Variants in GRM7 observed in about 807,000 individuals in gnomAD.
GRM7 encodes the protein glutamate metabotropic receptor 7.
A neutral mutation model predicts 84.5 loss-of-function variants in GRM7; 35 were observed. That is an observed-to-expected ratio of 0.41 (90% CI 0.32 to 0.55). The LOEUF (loss-of-function observed/expected upper bound fraction) is 0.55. GRM7 is among the 20% of genes least tolerant of loss of function. The pLI, the probability that GRM7 is intolerant of heterozygous loss-of-function variation, is 0.19. For missense variants in GRM7, 1,003 were observed against 1,194.6 expected, an observed-to-expected ratio of 0.84 and a Z score of 2.36; for synonymous variants, 487 against 455.1, an observed-to-expected ratio of 1.07 and a Z score of -0.89.
rs1327512209 is a variant in GRM7, at chr3:7,740,769, GT to G, written c.*367del. 4 of 183,102 alleles carry G rather than the reference GT, an allele frequency of 2.2e-5. No homozygotes were observed. The highest frequency in any genetic ancestry group is 4.5e-5 in the Non-Finnish European group (4 of 88,674). The allele number at this position is 183,102 out of a possible 1,614,324, so 11.3% of individuals were successfully genotyped here. ...TACGTATGTACTTCTAGGTTGCAAGGTTTTGAAATTTTCTGTACAGTTTGTG... is the reference window on the plus strand; with the variant it reads ...TACGTATGTACTTCTAGGTTGCAAGGTTTGAAATTTTCTGTACAGTTTGTG... On this transcript the variant is annotated 3_prime_UTR_variant, in exon 10 of 10. Coordinates refer to ENST00000357716, the MANE Select transcript of GRM7 (RefSeq NM_000844.4).
At chr3:7,568,308 G>T (rs2125043026) in intron 7 of GRM7, among the ~76,000 whole-genome samples, 1 of 152,260 alleles carries the variant, frequency 6.6e-6, no homozygotes, top group African/African-American at 2.4e-5. Flanking sequence ...CCTGCACTGG[G>T]CAATTTACAG....
chr3:7,454,671 G>A lies in GRM7; in HGVS notation c.1375+1864G>A, dbSNP rs141501616. On this transcript the variant is annotated intron_variant, in intron 6 of 9. Coordinates refer to ENST00000357716, the MANE Select transcript of GRM7 (RefSeq NM_000844.4). ...CTGAGAAAATAATTATATATATTGC[G>A]GATAATGAGAGCCAGGTTTCTCATT... 6.3e-3 allele frequency among the ~76,000 whole-genome samples: 960 copies of A among 151,826 alleles called. 36 individuals are homozygous for A. Among genetic ancestry groups the A allele is most frequent in the Admixed American group, 0.057 (861 of 15,224 alleles).
At chr3:6,983,134 A>G (rs1193226499) in intron 1 of GRM7, among the ~76,000 whole-genome samples, 1 of 152,158 alleles carries the variant, frequency 6.6e-6, no homozygotes, top group Non-Finnish European at 1.5e-5. Context: ...TTTTGTATTC[A>G]ATAAGCAAAG....
intron 2 of GRM7, among the ~76,000 whole-genome samples, chr3:7,251,831 G>A (rs1697998114): frequency 6.6e-6 from 1 of 152,138 alleles, no homozygotes; most frequent in Non-Finnish European, 1.5e-5. Context: ...TCTCTTGTGT[G>A]AATTAAAAAT....
chr3:7,227,921 A>G (rs1697035980), intron 2 of GRM7, among the ~76,000 whole-genome samples: 1 of 152,186 alleles, frequency 6.6e-6, no homozygotes, highest in Admixed American at 6.5e-5. Context: ...CCTGGGCCCA[A>G]GCACTTGTCA....
At chr3:7,542,850 C>G (rs771914724) in intron 7 of GRM7, among the ~76,000 whole-genome samples, 1 of 152,026 alleles carries the variant, frequency 6.6e-6, no homozygotes, top group Non-Finnish European at 1.5e-5. Flanking sequence ...CCAGCCCATG[C>G]GTAGCAATTT....
intron 2 of GRM7, among the ~76,000 whole-genome samples, chr3:7,262,342 A>G (rs1341008966): frequency 1.3e-5 from 2 of 152,018 alleles, no homozygotes; most frequent in Non-Finnish European, 2.9e-5. Context: ...CTTATTTCAG[A>G]AAGCCAGTCT....
At chr3:7,240,462 G>T (rs1193379765) in intron 2 of GRM7, among the ~76,000 whole-genome samples, 1 of 151,422 alleles carries the variant, frequency 6.6e-6, no homozygotes, top group African/African-American at 2.4e-5. Flanking sequence ...TTTTATTTTT[G>T]CAATATGTTT....
intron 1 of GRM7, among the ~76,000 whole-genome samples, chr3:7,124,379 G>A (rs1177202526): frequency 2.0e-5 from 3 of 152,124 alleles, no homozygotes; most frequent in Non-Finnish European, 4.4e-5. Context: ...GGTGGCTCAC[G>A]CTTGTAATCC....
intron 7 of GRM7, among the ~76,000 whole-genome samples, chr3:7,477,550 A>G (rs1698971345): frequency 6.6e-6 from 1 of 152,210 alleles, no homozygotes; most frequent in Non-Finnish European, 1.5e-5. Context: ...TAGTTGTGTT[A>G]GGTGACTTCT....
At chr3:7,129,528 G>C (rs1238068297) in intron 1 of GRM7, among the ~76,000 whole-genome samples, 1 of 152,158 alleles carries the variant, frequency 6.6e-6, no homozygotes, top group Non-Finnish European at 1.5e-5. Context: ...TTTGGACAAT[G>C]GTATATAGGT....
intron 8 of GRM7, among the ~76,000 whole-genome samples, chr3:7,617,753 G>A (rs1177973394): frequency 6.6e-6 from 1 of 152,136 alleles, no homozygotes; most frequent in East Asian, 1.9e-4. Context: ...TCTTACCAGA[G>A]ATAGGAAAGA....
chr3:7,237,023 T>C (rs952518147), intron 2 of GRM7, among the ~76,000 whole-genome samples: 1 of 152,332 alleles, frequency 6.6e-6, no homozygotes, highest in Admixed American at 6.5e-5. Context: ...CTTCTGTATA[T>C]ACAGCCCGGT....
chr3:7,333,758 A>T (rs548019916), intron 4 of GRM7, among the ~76,000 whole-genome samples: 4 of 152,160 alleles, frequency 2.6e-5, no homozygotes, highest in East Asian at 3.9e-4. Flanking sequence ...AATAAATATT[A>T]TAAAGAAAAA....
At chr3:7,688,276 T>G (rs1700663162) in intron 9 of GRM7, among the ~76,000 whole-genome samples, 2 of 151,834 alleles carry the variant, frequency 1.3e-5, no homozygotes, top group Admixed American at 1.3e-4. Context: ...TAGCTAGAAT[T>G]GTCTTACTTC....
intron 1 of GRM7, among the ~76,000 whole-genome samples, chr3:6,996,083 C>T (rs1694819071): frequency 6.6e-6 from 1 of 151,836 alleles, no homozygotes; most frequent in African/African-American, 2.4e-5. Flanking sequence ...AAGTCTTGCT[C>T]TGTCACCCAG....
At chr3:7,641,308 A>G (rs3804853) in intron 8 of GRM7, among the ~76,000 whole-genome samples, 37,228 of 152,128 alleles carry the variant, frequency 0.24, 4,668 homozygotes, top group Middle Eastern at 0.41. Flanking sequence ...AAAAGATAAA[A>G]TAGGAATTAC....
chr3:7,055,608 C>A (rs1456889744), intron 1 of GRM7, among the ~76,000 whole-genome samples: 1 of 151,534 alleles, frequency 6.6e-6, no homozygotes, highest in Non-Finnish European at 1.5e-5. Context: ...GCAACCTCCA[C>A]CTCCCTGGAT....
intron 1 of GRM7, among the ~76,000 whole-genome samples, chr3:7,129,237 A>G (rs1315778597): frequency 6.6e-6 from 1 of 152,200 alleles, no homozygotes; most frequent in Non-Finnish European, 1.5e-5. Context: ...ATTATTGCCT[A>G]CTTACTTTGT....
Sources: allele counts gnomAD v4.1 joint callset (sites outside exome capture counted in the v4.1 genomes callset), GRCh38; gene constraint gnomAD v4.1.1; transcripts MANE v1.5; gene names NCBI Gene and HGNC (gene_info 2026-07-23, HGNC 2026-07-21).